Variants in PDE4D observed in about 807,000 individuals in gnomAD.
The protein encoded by PDE4D is 3',5'-cyclic-AMP phosphodiesterase 4D.
Under a neutral mutation model 87.4 loss-of-function variants are expected in PDE4D, and 24 were observed. The ratio of observed to expected loss-of-function variants is 0.27; its 90% confidence interval spans 0.20 to 0.39. PDE4D has a LOEUF of 0.39. Ranked by LOEUF, PDE4D falls within the 10% of genes least tolerant of loss-of-function variation. PDE4D has a pLI of 1.00. For missense variants in PDE4D, 714 were observed against 1,041.0 expected, an observed-to-expected ratio of 0.69 and a Z score of 4.32; for synonymous variants, 384 against 383.2, an observed-to-expected ratio of 1.00 and a Z score of -0.02.
chr5:59,471,289 A>G (rs1353969226), intron 1 of PDE4D, among the ~76,000 whole-genome samples: 9 of 152,186 alleles, frequency 5.9e-5, no homozygotes, highest in African/African-American at 2.2e-4. Flanking sequence ...AATGACTTTA[A>G]TTGCAGGTGA....
chr5:60,400,395 G>C (rs932324534), intron 1 of PDE4D, among the ~76,000 whole-genome samples: 7 of 149,966 alleles, frequency 4.7e-5, no homozygotes, highest in Admixed American at 2.7e-4. Context: ...GGTGGCAGGC[G>C]CCTGTAGTCC....
At chr5:59,529,058 T>C in intron 1 of PDE4D, 2 of 468,994 alleles carry the variant, frequency 4.3e-6, no homozygotes, top group Non-Finnish European at 8.6e-6. Flanking sequence ...AGATCTTGCC[T>C]TAATTCGTTG....
At chr5:59,742,198 G>T (rs147272293) in intron 1 of PDE4D, among the ~76,000 whole-genome samples, 3,633 of 152,086 alleles carry the variant, frequency 0.024, 121 homozygotes, top group African/African-American at 0.072. Flanking sequence ...TGAGTAGCTG[G>T]GATTACAGGC....
intron 1 of PDE4D, among the ~76,000 whole-genome samples, chr5:60,220,489 A>G (rs1744373518): frequency 6.6e-6 from 1 of 152,134 alleles, no homozygotes; most frequent in Admixed American, 6.5e-5. Flanking sequence ...TCTTCACCCA[A>G]CTATCCTGAT....
chr5:60,224,525 A>G (rs1483200428), intron 1 of PDE4D, among the ~76,000 whole-genome samples: 4 of 152,068 alleles, frequency 2.6e-5, no homozygotes, highest in Admixed American at 6.6e-5. Flanking sequence ...CATGCCAGTC[A>G]TCTTGGTGAG....
chr5:60,287,373 G>C (rs1752512385), intron 1 of PDE4D, among the ~76,000 whole-genome samples: 3 of 152,188 alleles, frequency 2.0e-5, no homozygotes, highest in Admixed American at 1.3e-4. Flanking sequence ...TTGCTGTGTA[G>C]GAGAGGCGCC....
intron 2 of PDE4D, among the ~76,000 whole-genome samples, chr5:60,092,600 G>T (rs776723136): frequency 6.6e-6 from 1 of 151,156 alleles, no homozygotes; most frequent in African/African-American, 2.4e-5. Flanking sequence ...AGAATGGAGG[G>T]TACTAGGAAT....
intron 1 of PDE4D, chr5:59,703,464 A>G (rs1752910070): frequency 2.1e-6 from 1 of 474,502 alleles, no homozygotes. Context: ...AACAGATAAT[A>G]CATATGTATT....
chr5:59,564,517 G>A (rs1246156009), intron 1 of PDE4D, among the ~76,000 whole-genome samples: 1 of 152,178 alleles, frequency 6.6e-6, no homozygotes, highest in Non-Finnish European at 1.5e-5. Context: ...GAGACACCCG[G>A]ATGGGGAAAA....
chr5:59,251,814 G>A (rs1231828866), intron 1 of PDE4D, among the ~76,000 whole-genome samples: 1 of 152,034 alleles, frequency 6.6e-6, no homozygotes, highest in Non-Finnish European at 1.5e-5. Context: ...AAGAGAATGA[G>A]GTAAATTTAC....
intron 1 of PDE4D, among the ~76,000 whole-genome samples, chr5:59,274,264 C>A (rs1432354161): frequency 1.3e-5 from 2 of 152,062 alleles, no homozygotes; most frequent in African/African-American, 4.8e-5. Flanking sequence ...AAATCTTCAT[C>A]TATAATTTAT....
chr5:59,668,800 GAAGA>G (rs1436139810), intron 1 of PDE4D, among the ~76,000 whole-genome samples: 20 of 129,150 alleles, frequency 1.5e-4, no homozygotes, highest in African/African-American at 5.5e-4. Flanking sequence ...GAAAGAAGAA[GAAGA>G]AAGAAGAAGA....
intron 2 of PDE4D, among the ~76,000 whole-genome samples, chr5:60,098,238 T>C (rs1028088424): frequency 2.0e-5 from 3 of 151,910 alleles, no homozygotes; most frequent in African/African-American, 4.8e-5. Context: ...GATAGGACAG[T>C]AGGAAAACTA....
intron 3 of PDE4D, among the ~76,000 whole-genome samples, chr5:59,931,406 C>T (rs1187818471): frequency 6.6e-6 from 1 of 152,158 alleles, no homozygotes; most frequent in Admixed American, 6.5e-5. Context: ...ATACCTGAAA[C>T]TTTCTTACAG....
rs576600497 is a variant in PDE4D, at chr5:59,010,240, T to C, written c.922-16775A>G. ...TACTCGGGAGGCTGAGGCAGGAGAA[T>C]TGCTTGAGCCCGGGAGGCAGAAGTT... On this transcript the variant is annotated intron_variant, in intron 6 of 14. Coordinates refer to ENST00000340635, the MANE Select transcript of PDE4D (RefSeq NM_001104631.2). Among the ~76,000 whole-genome samples, 66 of 152,180 alleles carry C rather than the reference T, an allele frequency of 4.3e-4. 2 individuals carry two copies. The highest frequency in any genetic ancestry group is 3.7e-3 in the Admixed American group (57 of 15,288).
At chr5:59,213,169 CT>C (rs911615796) in intron 2 of PDE4D, among the ~76,000 whole-genome samples, 146 of 87,030 alleles carry the variant, frequency 1.7e-3, no homozygotes, top group African/African-American at 0.011. Flanking sequence ...TTCTTTTTTT[CT>C]TTTTTTCCAG....
rs1447547530 is a variant in PDE4D, at chr5:58,976,343, G to C, written c.1830+7C>G. 2 of 1,611,476 alleles carry C rather than the reference G, an allele frequency of 1.2e-6. No homozygotes were observed. The highest frequency in any genetic ancestry group is 1.7e-5 in the Admixed American group (1 of 59,716). ...CACACACAGAGCAAACTCAAACAAGGCTTTACCTGAATCCTATCGGAATAA... is the reference window on the plus strand; with the variant it reads ...CACACACAGAGCAAACTCAAACAAGCCTTTACCTGAATCCTATCGGAATAA... On this transcript the variant is annotated splice_region_variant and intron_variant, in intron 13 of 14. Coordinates refer to ENST00000340635, the MANE Select transcript of PDE4D (RefSeq NM_001104631.2).
chr5:59,858,669 T>A (rs114729072), intron 1 of PDE4D, among the ~76,000 whole-genome samples: 4 of 152,152 alleles, frequency 2.6e-5, no homozygotes, highest in African/African-American at 7.2e-5. Context: ...AAGTTCAACA[T>A]AGATCAACCA....
intron 1 of PDE4D, among the ~76,000 whole-genome samples, chr5:59,303,885 T>C (rs888862916): frequency 2.0e-5 from 3 of 152,168 alleles, no homozygotes; most frequent in African/African-American, 7.2e-5. Context: ...TCTTTTTTGG[T>C]TCCATCTGAG....
Sources: gnomAD v4.1 joint callset for allele counts (sites outside exome capture counted in the v4.1 genomes callset) on GRCh38, gnomAD v4.1.1 for gene constraint, MANE v1.5 for transcripts, NCBI Gene and HGNC (gene_info 2026-07-23, HGNC 2026-07-21) for gene names.